Variants in PRSS23 observed in about 807,000 individuals in gnomAD.
The protein encoded by PRSS23 is serine protease 23, also known as protease, serine 23.
Under a neutral mutation model 34.7 loss-of-function variants are expected in PRSS23, and 25 were observed. The observed-to-expected ratio is 0.72, with a 90% confidence interval of 0.53 to 1.01. The LOEUF is 1.01. PRSS23 is among the 50% of genes least tolerant of loss of function. The pLI is 0.00. For missense variants in PRSS23, 445 were observed against 475.6 expected, an observed-to-expected ratio of 0.94 and a Z score of 0.60; for synonymous variants, 176 against 186.6, an observed-to-expected ratio of 0.94 and a Z score of 0.46.
chr11:86,844,209 C>A (rs1948469566), intron 2 of PRSS23, among the ~76,000 whole-genome samples: 1 of 152,244 alleles, frequency 6.6e-6, no homozygotes, highest in South Asian at 2.1e-4. Flanking sequence ...GGGAGTTGAA[C>A]AATGAGAACA....
chr11:86,886,129 T>C (rs1394733262), intron 2 of PRSS23, among the ~76,000 whole-genome samples: 1 of 152,190 alleles, frequency 6.6e-6, no homozygotes, highest in African/African-American at 2.4e-5. Flanking sequence ...TTTGGGAAGC[T>C]GAGGCAGGAG....
chr11:86,870,542 T>C (rs568071341), intron 2 of PRSS23, among the ~76,000 whole-genome samples: 2 of 152,346 alleles, frequency 1.3e-5, no homozygotes, highest in East Asian at 3.9e-4. Context: ...TAACATTTAC[T>C]TTTTGTCAAA....
intron 2 of PRSS23, among the ~76,000 whole-genome samples, chr11:86,929,124 C>A (rs150923327): frequency 0.039 from 5,837 of 151,598 alleles, 168 homozygotes; most frequent in African/African-American, 0.084. Context: ...GAGTTCAGGA[C>A]CAGCCTGACC....
In PRSS23 at chr11:86,808,244, G is replaced by A; in HGVS notation, c.601G>A (p.Asp201Asn). 6.2e-7 allele frequency: 1 copy of A among 1,614,154 alleles called. No individual in the cohort carries two copies. The highest frequency in any genetic ancestry group is 8.5e-7 in the Non-Finnish European group (1 of 1,180,052). Residue 201 changes from aspartate (D) to asparagine (N), a missense_variant, in exon 2 of 2, where the codon GAT becomes AAT. By Grantham distance (23) the Asp-to-Asn change is conservative. Coordinates refer to ENST00000280258, the MANE Select transcript of PRSS23 (RefSeq NM_007173.6). ...GGGCTTCCTAAAGCCCAAGTTTAAA[G>A]ATGGTGGTCGAGGGGCCAACGACTC... Reference protein sequence around the residue: ...RVGFLKPKFKDGGRGANDSTS... With the variant: ...RVGFLKPKFKNGGRGANDSTS...
At chr11:86,846,602 C>A (rs1009609833) in intron 2 of PRSS23, among the ~76,000 whole-genome samples, 5 of 152,168 alleles carry the variant, frequency 3.3e-5, no homozygotes, top group Admixed American at 2.0e-4. Context: ...CAGAGGCTCC[C>A]CCTGCATGGG....
chr11:86,835,771 G>T (rs766085647), intron 2 of PRSS23, among the ~76,000 whole-genome samples: 2 of 152,132 alleles, frequency 1.3e-5, no homozygotes, highest in African/African-American at 2.4e-5. Flanking sequence ...CTGAGCCTTT[G>T]GTTTGGAAAC....
chr11:86,935,255 A>G (rs761294186), intron 2 of PRSS23: 1 of 152,266 alleles, frequency 6.6e-6, no homozygotes, highest in Non-Finnish European at 1.5e-5. Context: ...TTATTATTTC[A>G]ACCAATGCTT....
intron 2 of PRSS23, among the ~76,000 whole-genome samples, chr11:86,883,472 A>G (rs1311074930): frequency 6.6e-6 from 1 of 152,210 alleles, no homozygotes; most frequent in Non-Finnish European, 1.5e-5. Context: ...CTCCTTCTTT[A>G]CACTATATAC....
At chr11:86,913,584 C>A (rs1948992402) in intron 2 of PRSS23, among the ~76,000 whole-genome samples, 1 of 151,448 alleles carries the variant, frequency 6.6e-6, no homozygotes, top group African/African-American at 2.4e-5. Context: ...TATATAGCAG[C>A]CACCCAGGGA....
At chr11:86,935,633 C>T (rs151164318) in intron 2 of PRSS23, 1 of 152,126 alleles carries the variant, frequency 6.6e-6, no homozygotes, top group African/African-American at 2.4e-5. Flanking sequence ...GTTGTAATTA[C>T]CCCAACTGTT....
chr11:86,853,242 CTTTTTTTTTTT>C (rs561682096), intron 2 of PRSS23, among the ~76,000 whole-genome samples: 27 of 47,786 alleles, frequency 5.7e-4, no homozygotes, highest in African/African-American at 1.9e-3. Flanking sequence ...AAGTGCCTGC[CTTTTTTTTTTT>C]TTTTTTTTTT....
intron 2 of PRSS23, among the ~76,000 whole-genome samples, chr11:86,866,801 T>C (rs142553642): frequency 1.3e-3 from 191 of 152,242 alleles, no homozygotes; most frequent in African/African-American, 4.4e-3. Context: ...GAGCTGCTTG[T>C]TAAAAAGAGT....
At chr11:86,851,045 G>A (rs905140355) in intron 2 of PRSS23, among the ~76,000 whole-genome samples, 2 of 152,160 alleles carry the variant, frequency 1.3e-5, no homozygotes, top group South Asian at 4.1e-4. Context: ...AACCTTAGAC[G>A]TTACAAGAGG....
intron 2 of PRSS23, among the ~76,000 whole-genome samples, chr11:86,889,448 G>T (rs1948826698): frequency 6.6e-6 from 1 of 152,196 alleles, no homozygotes; most frequent in Non-Finnish European, 1.5e-5. Flanking sequence ...CAAGAATGTG[G>T]TCTCTGCATC....
At chr11:86,844,877 G>A (rs1202110172) in intron 2 of PRSS23, among the ~76,000 whole-genome samples, 2 of 152,118 alleles carry the variant, frequency 1.3e-5, no homozygotes, top group African/African-American at 2.4e-5. Flanking sequence ...ATCACCTGAG[G>A]TCAGGAGTTC....
chr11:86,905,046 A>T (rs1948933393), intron 2 of PRSS23, among the ~76,000 whole-genome samples: 1 of 152,132 alleles, frequency 6.6e-6, no homozygotes, highest in African/African-American at 2.4e-5. Flanking sequence ...ACAGAGTTAG[A>T]CCCTGTCTCA....
intron 2 of PRSS23, among the ~76,000 whole-genome samples, chr11:86,876,348 G>A (rs1939096): frequency 0.53 from 80,857 of 151,968 alleles, 22,742 homozygotes; most frequent in African/African-American, 0.72. Context: ...AGGAATCAGC[G>A]AGTATGAGGC....
chr11:86,876,775 A>T (rs547358302), intron 2 of PRSS23, among the ~76,000 whole-genome samples: 1 of 152,190 alleles, frequency 6.6e-6, no homozygotes, highest in Non-Finnish European at 1.5e-5. Flanking sequence ...AAAGCAACCT[A>T]TGGGCCCATG....
At chr11:86,879,771 T>TG (rs1210839938) in intron 2 of PRSS23, among the ~76,000 whole-genome samples, 1 of 87,822 alleles carries the variant, frequency 1.1e-5, no homozygotes, top group Non-Finnish European at 2.4e-5. Flanking sequence ...GGGAGGGAGG[T>TG]GGGGGGGTCA....
Sources: gnomAD v4.1 joint callset for allele counts (sites outside exome capture counted in the v4.1 genomes callset) on GRCh38, gnomAD v4.1.1 for gene constraint, MANE v1.5 for transcripts, NCBI Gene and HGNC (gene_info 2026-07-23, HGNC 2026-07-21) for gene names.